Variants in KIF26B observed in about 807,000 individuals in gnomAD.
KIF26B encodes the protein kinesin family member 26B, also known as kinesin-like protein KIF26B.
KIF26B carries 63 observed loss-of-function variants against 151.2 expected under a neutral mutation model. The ratio of observed to expected loss-of-function variants is 0.42; its 90% CI spans 0.34 to 0.51. The LOEUF (loss-of-function observed/expected upper bound fraction) is 0.51, where lower values mean the gene tolerates loss of function less well. KIF26B is among the 20% of genes least tolerant of loss of function. KIF26B has a pLI of 0.07. For synonymous variants in KIF26B, 1,357 were observed against 1,262.1 expected (o/e 1.08, Z -1.59); for missense variants, 2,813 against 2,913.6 (o/e 0.97, Z 0.79).
rs1046943664 is a variant in KIF26B, at chr1:245,166,917, T to C, written c.465+10234T>C. On this transcript the variant is annotated intron_variant, in intron 2 of 14. Coordinates refer to ENST00000407071, the MANE Select transcript of KIF26B (RefSeq NM_018012.4). The surrounding 1 kb of genome is among the most constrained non-coding windows in gnomAD (Gnocchi z 4.5). Reference sequence around the variant, plus strand: ...CAAAAAACCGAGACATTCTGAACGTTGCTATAGAGGTTAGCAAAGCAGAAG... The same window carrying C: ...CAAAAAACCGAGACATTCTGAACGTCGCTATAGAGGTTAGCAAAGCAGAAG... 5.9e-5 allele frequency among the ~76,000 whole-genome samples: 9 copies of C among 152,230 alleles called. No homozygotes were observed. The highest frequency in any genetic ancestry group is 2.6e-4 in the Admixed American group (4 of 15,280).
chr1:245,688,869 C>T, intron 12 of KIF26B, 62 bp downstream of exon 12: 1 of 1,497,494 alleles, frequency 6.7e-7, no homozygotes, highest in Non-Finnish European at 8.9e-7. Flanking sequence ...CTGCCCAAAC[C>T]CCACTGCCAG....
chr1:245,216,855 C>T (rs1054962455), intron 2 of KIF26B, among the ~76,000 whole-genome samples: 2 of 152,188 alleles, frequency 1.3e-5, no homozygotes, highest in Non-Finnish European at 2.9e-5. Flanking sequence ...GCCTCAACTG[C>T]GTCTGCAGTT....
intron 9 of KIF26B, among the ~76,000 whole-genome samples, chr1:245,615,904 T>C (rs1482260188): frequency 6.6e-6 from 1 of 152,164 alleles, no homozygotes; most frequent in Non-Finnish European, 1.5e-5. Flanking sequence ...AAAATGGAAA[T>C]TTTGTTTACT....
chr1:245,493,653 A>G (rs1371260815), intron 4 of KIF26B, among the ~76,000 whole-genome samples: 4 of 152,204 alleles, frequency 2.6e-5, no homozygotes, highest in African/African-American at 9.6e-5. Context: ...CTGAGCCAGA[A>G]TTGTCTCAGA....
chr1:245,616,541 A>G (rs1005086883), intron 9 of KIF26B, among the ~76,000 whole-genome samples: 2 of 152,246 alleles, frequency 1.3e-5, no homozygotes, highest in Non-Finnish European at 2.9e-5. Flanking sequence ...TGGGACCCAA[A>G]TCTAAATACA....
At chr1:245,347,366 G>A (rs141522119) in intron 2 of KIF26B, among the ~76,000 whole-genome samples, 2,376 of 151,686 alleles carry the variant, frequency 0.016, 32 homozygotes, top group Non-Finnish European at 0.024. Flanking sequence ...AGGCTGGAGC[G>A]TAGTGGCGTA....
chr1:245,291,100 A>C (rs1480530867), intron 2 of KIF26B, among the ~76,000 whole-genome samples: 9 of 152,084 alleles, frequency 5.9e-5, no homozygotes, highest in Admixed American at 5.9e-4. Flanking sequence ...TAAGAAAGGG[A>C]GCAGAAGTAT....
chr1:245,614,302 G>A (rs1467585879), intron 9 of KIF26B, among the ~76,000 whole-genome samples: 1 of 152,136 alleles, frequency 6.6e-6, no homozygotes. Flanking sequence ...AGCCTCCTGA[G>A]TAGCTGGGAA....
Position 245,564,050 on chromosome 1 carries a change from A to C in KIF26B, c.1350+23100A>C, listed in dbSNP as rs1464788687. ...CTAGATTGCTCGTGAACAGCTAAGC[A>C]GGTCACGCTGAGCTCGACACAGTCC... On this transcript the variant is annotated intron_variant, in intron 5 of 14. Coordinates refer to ENST00000407071, the MANE Select transcript of KIF26B (RefSeq NM_018012.4). The surrounding 1 kb of genome is among the most constrained non-coding windows in gnomAD (Gnocchi z 4.6). 2.6e-5 allele frequency among the ~76,000 whole-genome samples: 4 copies of C among 152,292 alleles called. No homozygotes were observed. Among genetic ancestry groups the C allele is most frequent in the African/African-American group, 9.6e-5 (4 of 41,562 alleles).
intron 4 of KIF26B, among the ~76,000 whole-genome samples, chr1:245,532,407 A>C (rs111292883): frequency 2.6e-5 from 4 of 151,354 alleles, no homozygotes; most frequent in Non-Finnish European, 5.9e-5. Context: ...CACCATGCCC[A>C]GCTAATTTTT....
intron 2 of KIF26B, among the ~76,000 whole-genome samples, chr1:245,238,803 A>C (rs1670160146): frequency 6.6e-6 from 1 of 152,198 alleles, no homozygotes; most frequent in African/African-American, 2.4e-5. Flanking sequence ...CGGAGGTTGC[A>C]GTGAGCTGAG....
At chr1:245,335,350 T>C (rs1672199028) in intron 2 of KIF26B, among the ~76,000 whole-genome samples, 1 of 152,182 alleles carries the variant, frequency 6.6e-6, no homozygotes, top group African/African-American at 2.4e-5. Flanking sequence ...AGGCTCCTGC[T>C]TGTGGTTTAC....
intron 2 of KIF26B, among the ~76,000 whole-genome samples, chr1:245,288,473 G>A (rs1671202725): frequency 6.6e-6 from 1 of 152,180 alleles, no homozygotes; most frequent in African/African-American, 2.4e-5. Context: ...AAAGAGTATT[G>A]AGCAAATGTC....
At chr1:245,556,939 A>G (rs1662054962) in intron 5 of KIF26B, among the ~76,000 whole-genome samples, 1 of 152,194 alleles carries the variant, frequency 6.6e-6, no homozygotes, top group African/African-American at 2.4e-5. Flanking sequence ...TGGAACTCAC[A>G]GTCAGAAGGG....
At chr1:245,414,734 C>G (rs777000100) in intron 3 of KIF26B, among the ~76,000 whole-genome samples, 12 of 152,218 alleles carry the variant, frequency 7.9e-5, no homozygotes, top group Non-Finnish European at 1.8e-4. Context: ...TCTACACACA[C>G]ACAGACACAC....
chr1:245,457,855 G>A (rs1659569370), intron 4 of KIF26B, among the ~76,000 whole-genome samples: 1 of 152,288 alleles, frequency 6.6e-6, no homozygotes, highest in South Asian at 2.1e-4. Context: ...GCTACAACGA[G>A]CATTGTTGAT....
At chr1:245,590,659 G>C (rs1249932636) in intron 5 of KIF26B, among the ~76,000 whole-genome samples, 1 of 152,182 alleles carries the variant, frequency 6.6e-6, no homozygotes, top group East Asian at 1.9e-4. Context: ...TGTATTCCCA[G>C]CACGTTGGGA....
At chr1:245,260,692 A>G (rs1670619341) in intron 2 of KIF26B, among the ~76,000 whole-genome samples, 1 of 152,160 alleles carries the variant, frequency 6.6e-6, no homozygotes. Context: ...CCTTCTGCCA[A>G]GTGTAAATGT....
intron 2 of KIF26B, among the ~76,000 whole-genome samples, chr1:245,221,379 A>T (rs922762563): frequency 1.3e-4 from 4 of 30,004 alleles, no homozygotes; most frequent in African/African-American, 1.4e-4. Context: ...GTTTGAAGTA[A>T]AAAAAAAAAA....
Sources: allele counts gnomAD v4.1 joint callset (sites outside exome capture counted in the v4.1 genomes callset), GRCh38; gene constraint gnomAD v4.1.1; non-coding constraint Gnocchi (gnomAD v3.1); transcripts MANE v1.5; gene names NCBI Gene and HGNC (gene_info 2026-07-23, HGNC 2026-07-21).